The following PALLD variants were observed in gnomAD, a reference collection of about 807,000 sequenced individuals.
PALLD encodes the protein palladin, cytoskeletal associated protein, also known as palladin.
In PALLD, 61 loss-of-function variants were observed where a neutral mutation model predicts 123.5. That is an observed-to-expected ratio of 0.49 (90% CI 0.40 to 0.61). The LOEUF is 0.61. PALLD is among the 20% of genes least tolerant of loss of function. The pLI is 0.00. For synonymous variants in PALLD, 465 were observed against 496.4 expected (o/e 0.94, Z 0.84); for missense variants, 1,273 against 1,377.0 (o/e 0.92, Z 1.20).
intron 2 of PALLD, among the ~76,000 whole-genome samples, chr4:168,605,985 G>A (rs201334388): frequency 6.6e-6 from 1 of 151,832 alleles, no homozygotes; most frequent in Non-Finnish European, 1.5e-5. Flanking sequence ...TCATTAAAGG[G>A]CATCTATATT....
At chr4:168,760,203 C>T (rs1221056923) in intron 10 of PALLD, among the ~76,000 whole-genome samples, 2 of 152,148 alleles carry the variant, frequency 1.3e-5, no homozygotes, top group African/African-American at 4.8e-5. Flanking sequence ...AGTCTCTGTA[C>T]AGACTCTGCC....
intron 2 of PALLD, among the ~76,000 whole-genome samples, chr4:168,569,346 C>G (rs891358857): frequency 6.6e-6 from 1 of 152,146 alleles, no homozygotes; most frequent in African/African-American, 2.4e-5. Flanking sequence ...TGAACAACCT[C>G]TCTTTGACTC....
intron 13 of PALLD, chr4:168,898,213 C>G (rs1194323227): frequency 2.1e-6 from 1 of 465,834 alleles, no homozygotes; most frequent in African/African-American, 2.0e-5. Flanking sequence ...CTTTCCTTCC[C>G]CTTGTTTCCC....
chr4:168,529,535 T>C (rs1041351011), intron 2 of PALLD, among the ~76,000 whole-genome samples: 1 of 152,260 alleles, frequency 6.6e-6, no homozygotes, highest in East Asian at 1.9e-4. Flanking sequence ...TCAGCTAGTT[T>C]TCCCCCCAAA....
At chr4:168,821,487 G>A (rs1040770422) in intron 10 of PALLD, among the ~76,000 whole-genome samples, 3 of 151,632 alleles carry the variant, frequency 2.0e-5, no homozygotes, top group Non-Finnish European at 4.4e-5. Flanking sequence ...GTATATATAT[G>A]TATGTACAAA....
intron 2 of PALLD, among the ~76,000 whole-genome samples, chr4:168,637,997 T>C (rs1302400819): frequency 7.0e-6 from 1 of 143,510 alleles, no homozygotes; most frequent in Non-Finnish European, 1.5e-5. Context: ...GAAACATAGA[T>C]GAGCATGCTG....
Position 168,563,744 on chromosome 4 carries a change from C to G in PALLD, c.908+51332C>G, listed in dbSNP as rs181425528. Among the ~76,000 whole-genome samples the G allele has an allele frequency of 8.6e-3, 1,304 of 152,258 alleles. 15 individuals carry two copies. The highest frequency in any genetic ancestry group is 0.013 in the Admixed American group (193 of 15,298). On this transcript the variant is annotated intron_variant, in intron 2 of 21. Transcript: ENST00000505667. ...GTTACAAGCTAAGATTTTCCAAGAA[C>G]AGGTAGTTCTCCATTATATAAATCT...
intron 5 of PALLD, 73 bp downstream of exon 5, chr4:168,683,176 CTT>C: frequency 1.2e-6 from 1 of 806,590 alleles, no homozygotes; most frequent in Non-Finnish European, 2.1e-6. Flanking sequence ...AAGAATATGA[CTT>C]TGATTCTAAC....
At chr4:168,498,324 T>C (rs1317890471) in intron 1 of PALLD, among the ~76,000 whole-genome samples, 1 of 150,236 alleles carries the variant, frequency 6.7e-6, no homozygotes, top group African/African-American at 2.4e-5. Context: ...GTGTCAGCTC[T>C]TCCTCTGGGT....
intron 11 of PALLD, 65 bp downstream of exon 11, chr4:168,891,122 T>G: frequency 1.3e-6 from 2 of 1,492,486 alleles, no homozygotes; most frequent in Non-Finnish European, 1.9e-6. Flanking sequence ...TTCCTTTCTC[T>G]AAGACTTAGG....
chr4:168,765,625 T>G (rs1361725740), intron 10 of PALLD, among the ~76,000 whole-genome samples: 2 of 152,230 alleles, frequency 1.3e-5, no homozygotes, highest in Admixed American at 1.3e-4. Context: ...GCTAACTTAC[T>G]GTTTGCCACA....
At chr4:168,673,396 C>T (rs1249172632) in intron 3 of PALLD, among the ~76,000 whole-genome samples, 1 of 152,000 alleles carries the variant, frequency 6.6e-6, no homozygotes, top group Admixed American at 6.5e-5. Context: ...ACCAAGGGAA[C>T]AAATGCCCTG....
rs759733137 is a variant in PALLD at position 168,925,215 on chromosome 4, CTCTCTT to C, written c.3359-14_3359-9del. ...GTCAAAAAAATTCATATTGCTCTCT[CTCTCTT>C]TCTATTTGTAGTTTCTCGACATTAA... On this transcript the variant is annotated splice_polypyrimidine_tract_variant and intron_variant, in intron 20 of 21. Transcript: ENST00000505667. 99 of 1,601,026 alleles carry C rather than the reference CTCTCTT, an allele frequency of 6.2e-5. 1 individual carries two copies. The highest frequency in any genetic ancestry group is 9.9e-5 in the South Asian group (9 of 90,792).
intron 2 of PALLD, among the ~76,000 whole-genome samples, chr4:168,515,212 A>C (rs1174835517): frequency 6.6e-6 from 1 of 152,254 alleles, no homozygotes; most frequent in Non-Finnish European, 1.5e-5. Context: ...TAAGTGCACC[A>C]GACGCCTAAG....
intron 10 of PALLD, among the ~76,000 whole-genome samples, chr4:168,835,187 A>G (rs1261097243): frequency 1.3e-4 from 20 of 152,208 alleles, no homozygotes; most frequent in Admixed American, 1.2e-3. Flanking sequence ...ATCAAAACGT[A>G]TGGCACTTTT....
Position 168,783,100 on chromosome 4 carries a change from G to A in PALLD, c.1964+71177G>A, listed in dbSNP as rs116504316. Among the ~76,000 whole-genome samples the A allele has an allele frequency of 8.1e-3, 1,222 of 150,250 alleles. 6 individuals carry two copies. Among genetic ancestry groups the A allele is most frequent in the Middle Eastern group, 0.024 (7 of 292 alleles). Reference sequence around the variant, plus strand: ...TGTGTGTGTGTATAGTACTGTTTCTGTTGAACAGATAAAACCATATATTCA... The same window carrying A: ...TGTGTGTGTGTATAGTACTGTTTCTATTGAACAGATAAAACCATATATTCA... On this transcript the variant is annotated intron_variant, in intron 10 of 21. Transcript: ENST00000505667.
intron 2 of PALLD, among the ~76,000 whole-genome samples, chr4:168,609,586 G>A (rs990709668): frequency 6.6e-5 from 10 of 152,140 alleles, no homozygotes; most frequent in African/African-American, 2.2e-4. Context: ...GCCTTCATGC[G>A]GGGGTATCAG....
At chr4:168,556,224 T>TA (rs1057408714) in intron 2 of PALLD, among the ~76,000 whole-genome samples, 1 of 151,662 alleles carries the variant, frequency 6.6e-6, no homozygotes, top group African/African-American at 2.4e-5. Context: ...GCCTCCAGAG[T>TA]AGCTGGGACT....
chr4:168,659,418 G>T (rs772966868), intron 2 of PALLD, among the ~76,000 whole-genome samples: 52 of 152,288 alleles, frequency 3.4e-4, no homozygotes, highest in Middle Eastern at 6.8e-3. Flanking sequence ...CATGTGCTTT[G>T]GGAGGAGGAG....
Sources: gnomAD v4.1 joint callset for allele counts (sites outside exome capture counted in the v4.1 genomes callset) on GRCh38, gnomAD v4.1.1 for gene constraint, MANE v1.5 for transcripts, NCBI Gene and HGNC (gene_info 2026-07-23, HGNC 2026-07-21) for gene names.